Variants in MECOM observed in about 807,000 individuals in gnomAD.
The protein encoded by MECOM is MDS1 and EVI1 complex locus.
Under a neutral mutation model 116.3 loss-of-function variants are expected in MECOM, and 13 were observed. That is an observed-to-expected ratio of 0.11 (90% CI 0.07 to 0.18). MECOM has a LOEUF of 0.18. Ranked by LOEUF, MECOM falls within the 10% of genes least tolerant of loss-of-function variation. MECOM has a pLI of 1.00. For synonymous variants in MECOM, 528 were observed against 535.2 expected (o/e 0.99, Z 0.19); for missense variants, 1,299 against 1,509.0 (o/e 0.86, Z 2.31).
At chr3:169,377,226 A>G (rs944147931) in intron 2 of MECOM, among the ~76,000 whole-genome samples, 39 of 152,340 alleles carry the variant, frequency 2.6e-4, no homozygotes, top group African/African-American at 8.9e-4. Context: ...TAAAAACTCT[A>G]GAAGAAAACC....
intron 1 of MECOM, among the ~76,000 whole-genome samples, chr3:169,440,473 A>G (rs56273700): frequency 0.27 from 40,317 of 150,434 alleles, 5,627 homozygotes; most frequent in East Asian, 0.35. Context: ...TCCAGGCAGG[A>G]GAAACCCAAT....
At chr3:169,167,798 C>A (rs1743823019) in intron 2 of MECOM, among the ~76,000 whole-genome samples, 1 of 152,054 alleles carries the variant, frequency 6.6e-6, no homozygotes, top group Admixed American at 6.6e-5. Flanking sequence ...CACACACACA[C>A]AGCTTCAAAA....
At chr3:169,581,852 A>G (rs1395535810) in intron 1 of MECOM, among the ~76,000 whole-genome samples, 1 of 152,238 alleles carries the variant, frequency 6.6e-6, no homozygotes, top group East Asian at 1.9e-4. Flanking sequence ...GACACTGGTC[A>G]CAGGTCTGAC....
At chr3:169,125,239 G>C (rs573119831) in intron 5 of MECOM, among the ~76,000 whole-genome samples, 2 of 152,140 alleles carry the variant, frequency 1.3e-5, no homozygotes, top group African/African-American at 4.8e-5. Flanking sequence ...TTACAGAGTG[G>C]AATGTTAATA....
intron 8 of MECOM, among the ~76,000 whole-genome samples, chr3:169,113,138 G>C (rs1576985259): frequency 6.6e-6 from 1 of 151,946 alleles, no homozygotes; most frequent in East Asian, 1.9e-4. Context: ...GAAAAATAAG[G>C]AGTCACTAAA....
intron 2 of MECOM, chr3:169,149,418 T>G (rs1740767020): frequency 5.5e-6 from 1 of 181,664 alleles, no homozygotes; most frequent in Non-Finnish European, 1.2e-5. Context: ...TCCCCTATAT[T>G]GGCTTCGGGT....
At chr3:169,502,684 G>A (rs1754677776) in intron 1 of MECOM, among the ~76,000 whole-genome samples, 1 of 152,002 alleles carries the variant, frequency 6.6e-6, no homozygotes, top group African/African-American at 2.4e-5. Flanking sequence ...TATAGAGCTT[G>A]GTTTTCCAAT....
intron 1 of MECOM, among the ~76,000 whole-genome samples, chr3:169,521,224 A>G (rs780656158): frequency 2.0e-5 from 3 of 152,174 alleles, no homozygotes; most frequent in Non-Finnish European, 2.9e-5. Flanking sequence ...CAGCAGGACT[A>G]TCTCTTCGTT....
chr3:169,594,614 C>T (rs1766909029), intron 1 of MECOM, among the ~76,000 whole-genome samples: 1 of 151,452 alleles, frequency 6.6e-6, no homozygotes. Flanking sequence ...CAAGTCTGAG[C>T]CTCCTCTGCT....
intron 2 of MECOM, among the ~76,000 whole-genome samples, chr3:169,270,225 T>G: frequency 6.6e-6 from 1 of 152,164 alleles, no homozygotes; most frequent in East Asian, 1.9e-4. Context: ...TGGGTTGGTA[T>G]CTAGCCAAGT....
intron 1 of MECOM, among the ~76,000 whole-genome samples, chr3:169,486,070 TCACCAA>T (rs1752346951): frequency 2.2e-5 from 3 of 135,308 alleles, no homozygotes; most frequent in African/African-American, 8.8e-5. Context: ...CCCAGAGACA[TCACCAA>T]GTTTGATGTG....
intron 2 of MECOM, among the ~76,000 whole-genome samples, chr3:169,312,830 G>T (rs1242331742): frequency 2.6e-5 from 4 of 152,206 alleles, no homozygotes; most frequent in Non-Finnish European, 5.9e-5. Context: ...TCAGCTGGTA[G>T]TTGGATCTCC....
intron 2 of MECOM, among the ~76,000 whole-genome samples, chr3:169,380,166 T>C (rs986415350): frequency 1.3e-5 from 2 of 152,158 alleles, no homozygotes; most frequent in African/African-American, 4.8e-5. Flanking sequence ...TAACCAGATA[T>C]TCTATTAATG....
At chr3:169,132,536 T>G (rs1402202603) in intron 3 of MECOM, among the ~76,000 whole-genome samples, 1 of 152,148 alleles carries the variant, frequency 6.6e-6, no homozygotes, top group African/African-American at 2.4e-5. Context: ...CATAATCAGA[T>G]AGAGGTTTTA....
intron 2 of MECOM, among the ~76,000 whole-genome samples, chr3:169,337,312 C>T (rs1723738011): frequency 6.6e-6 from 1 of 152,106 alleles, no homozygotes; most frequent in East Asian, 1.9e-4. Context: ...TTTCTACATT[C>T]ATACATCTGA....
intron 2 of MECOM, among the ~76,000 whole-genome samples, chr3:169,221,268 C>G (rs1005027592): frequency 6.6e-6 from 1 of 152,160 alleles, no homozygotes; most frequent in Non-Finnish European, 1.5e-5. Flanking sequence ...TTCTTCTTCA[C>G]CAGAACTATC....
At chr3:169,218,502 C>T (rs1751698014) in intron 2 of MECOM, among the ~76,000 whole-genome samples, 1 of 152,078 alleles carries the variant, frequency 6.6e-6, no homozygotes. Flanking sequence ...AAGGACACTT[C>T]CCTTTTGACT....
intron 1 of MECOM, among the ~76,000 whole-genome samples, chr3:169,649,881 T>C (rs1349514091): frequency 2.6e-5 from 4 of 152,250 alleles, no homozygotes; most frequent in Non-Finnish European, 4.4e-5. Flanking sequence ...AAATGTCCAA[T>C]ATGTTTGCAA....
In MECOM at chr3:169,100,543, A is replaced by T. The variant is rs1723240938; in HGVS notation, c.2849+342T>A. ...AGGCTGCAAAGTTATGATTTTTGTCAATTAAGATCATCCTAATTATTGAGA... is the reference window on the plus strand; with the variant it reads ...AGGCTGCAAAGTTATGATTTTTGTCTATTAAGATCATCCTAATTATTGAGA... On this transcript the variant is annotated intron_variant, in intron 12 of 16. Transcript: ENST00000651503. 2.0e-5 allele frequency among the ~76,000 whole-genome samples: 3 copies of T among 152,284 alleles called. No homozygotes were observed. In the South Asian group the frequency reaches 6.2e-4, roughly 32 times the overall value.
Sources: allele counts gnomAD v4.1 joint callset (sites outside exome capture counted in the v4.1 genomes callset), GRCh38; gene constraint gnomAD v4.1.1; transcripts MANE v1.5; gene names NCBI Gene and HGNC (gene_info 2026-07-23, HGNC 2026-07-21).